The following PRMT8 variants were observed in gnomAD, a reference collection of about 807,000 sequenced individuals.
The protein encoded by PRMT8 is protein arginine methyltransferase 8.
A neutral mutation model predicts 47.1 loss-of-function variants in PRMT8; 7 were observed. The observed-to-expected ratio is 0.15, with a 90% confidence interval of 0.08 to 0.28. The LOEUF (loss-of-function observed/expected upper bound fraction) is 0.28, where lower values mean the gene tolerates loss of function less well. Among genes scored for constraint, PRMT8 ranks in the 10% least tolerant of loss-of-function variants. PRMT8 has a pLI of 1.00. For missense variants in PRMT8, 237 were observed against 505.4 expected (o/e 0.47, Z 5.09); for synonymous variants, 188 against 186.5 (o/e 1.01, Z -0.07).
intron 1 of PRMT8, among the ~76,000 whole-genome samples, chr12:3,515,481 G>A (rs1166198454): frequency 3.9e-5 from 6 of 152,098 alleles, no homozygotes; most frequent in Non-Finnish European, 5.9e-5. Flanking sequence ...AAACCTGCAC[G>A]TTGTGCACAT....
rs534561352 is a variant in PRMT8 at position 3,538,772 on chromosome 12, G to A, written c.76-1834G>A. 1.2e-5 allele frequency: 6 copies of A among 517,690 alleles called. No individual in the cohort carries two copies. Among genetic ancestry groups the A allele is most frequent in the South Asian group, 7.0e-5 (5 of 71,402 alleles). 32.1% of individuals were successfully genotyped at this position (517,690 alleles called of 1,614,324 possible). On this transcript the variant is annotated intron_variant, in intron 1 of 9. Transcript: ENST00000382622. This position sits in a 1 kb window ranked among gnomAD's most constrained non-coding sequence, Gnocchi z 4.6. ...GTCTATTTTTAGCCTCCCAGAGACC[G>A]TGACCAACATCCCAAGCTGAGAGTG...
intron 1 of PRMT8, among the ~76,000 whole-genome samples, chr12:3,410,797 G>T (rs749050241): frequency 5.3e-5 from 8 of 152,162 alleles, no homozygotes; most frequent in Non-Finnish European, 1.2e-4. Flanking sequence ...GTGAGCCACC[G>T]CACCCAGCTG....
intron 1 of PRMT8, among the ~76,000 whole-genome samples, chr12:3,468,739 GA>G (rs1313819092): frequency 2.6e-5 from 4 of 152,230 alleles, no homozygotes; most frequent in Admixed American, 6.5e-5. Flanking sequence ...TAGCCATTGA[GA>G]AAATAGCCAA....
At chr12:3,435,434 A>T (rs1309194788) in intron 1 of PRMT8, among the ~76,000 whole-genome samples, 1 of 151,898 alleles carries the variant, frequency 6.6e-6, no homozygotes, top group African/African-American at 2.4e-5. Context: ...AGGTTCATGC[A>T]GTTCATCCTG....
chr12:3,488,947 C>T (rs1451769300), upstream of PRMT8, among the ~76,000 whole-genome samples: 1 of 152,190 alleles, frequency 6.6e-6, no homozygotes, highest in Non-Finnish European at 1.5e-5. Flanking sequence ...ATAGCAGGAA[C>T]AGCACCTCTT....
intron 7 of PRMT8, 57 bp downstream of exon 7, chr12:3,577,043 C>A: frequency 6.8e-7 from 1 of 1,467,606 alleles, no homozygotes; most frequent in Admixed American, 1.7e-5. Flanking sequence ...CTGTGCCACC[C>A]TGGAGTCCAG....
intron 1 of PRMT8, among the ~76,000 whole-genome samples, chr12:3,403,791 C>T (rs537089272): frequency 5.6e-4 from 81 of 145,380 alleles, no homozygotes; most frequent in Middle Eastern, 3.7e-3. Context: ...GCAGGAGAAT[C>T]ACTTGAATTC....
At chr12:3,496,212 ATATTTTTTT>A (rs1298038686) in intron 1 of PRMT8, among the ~76,000 whole-genome samples, 2 of 19,392 alleles carry the variant, frequency 1.0e-4, no homozygotes, top group Non-Finnish European at 1.6e-4. Flanking sequence ...ATATATATAT[ATATTTTTTT>A]TTTTTTTTTT....
chr12:3,479,093 C>T (rs1366606597), intron 1 of PRMT8, among the ~76,000 whole-genome samples: 1 of 152,236 alleles, frequency 6.6e-6, no homozygotes, highest in Non-Finnish European at 1.5e-5. Context: ...GATTCCCTGG[C>T]AGGCTTCTCC....
intron 1 of PRMT8, among the ~76,000 whole-genome samples, chr12:3,423,094 C>A (rs547410752): frequency 1.7e-3 from 255 of 152,340 alleles, no homozygotes; most frequent in Non-Finnish European, 3.0e-3. Flanking sequence ...GCGCTGGGAA[C>A]CATTTTTCAA....
intron 4 of PRMT8, among the ~76,000 whole-genome samples, chr12:3,558,583 C>T (rs537159810): frequency 6.6e-6 from 1 of 152,304 alleles, no homozygotes; most frequent in African/African-American, 2.4e-5. Flanking sequence ...TGACTGGTTC[C>T]CTTCAAGCTG....
intron 1 of PRMT8, among the ~76,000 whole-genome samples, chr12:3,437,423 A>C (rs1591549807): frequency 6.6e-6 from 1 of 151,900 alleles, no homozygotes; most frequent in South Asian, 2.1e-4. Flanking sequence ...ATATAGGTAC[A>C]TTGTGCGTCC....
intron 1 of PRMT8, among the ~76,000 whole-genome samples, chr12:3,412,948 G>T (rs12318301): frequency 0.06 from 9,089 of 152,240 alleles, 295 homozygotes; most frequent in African/African-American, 0.086. Context: ...ATTCCATGAG[G>T]CATTGGTCTG....
At chr12:3,383,795 G>A (rs1864115931) in intron 1 of PRMT8, among the ~76,000 whole-genome samples, 1 of 152,192 alleles carries the variant, frequency 6.6e-6, no homozygotes, top group African/African-American at 2.4e-5. Flanking sequence ...CACATGTTTT[G>A]TTGGATTCAT....
intron 1 of PRMT8, among the ~76,000 whole-genome samples, chr12:3,408,874 A>G (rs1015802325): frequency 2.8e-4 from 43 of 152,350 alleles, no homozygotes; most frequent in African/African-American, 9.6e-4. Context: ...TCAGTAGTCT[A>G]GGCTGCAGAA....
intron 1 of PRMT8, among the ~76,000 whole-genome samples, chr12:3,513,622 T>G (rs1291857546): frequency 6.6e-6 from 1 of 152,188 alleles, no homozygotes; most frequent in Non-Finnish European, 1.5e-5. Context: ...GAGAGTGCAG[T>G]CTTCTCTGTC....
chr12:3,569,467 T>G lies in PRMT8; in HGVS notation c.625-10T>G. On this transcript the variant is annotated splice_polypyrimidine_tract_variant and intron_variant, in intron 5 of 9. Coordinates refer to ENST00000382622, the MANE Select transcript of PRMT8 (RefSeq NM_019854.5). This position sits in a 1 kb window ranked among gnomAD's most constrained non-coding sequence, Gnocchi z 8.2. Reference sequence around the variant, plus strand: ...ATTACGAGACCCATTTCCCCACAATTCATCAACAGAAACCTGGAGGGCTTA... The same window carrying G: ...ATTACGAGACCCATTTCCCCACAATGCATCAACAGAAACCTGGAGGGCTTA... 2 of 1,612,452 alleles carry G rather than the reference T, an allele frequency of 1.2e-6. No individual in the cohort carries two copies. Among genetic ancestry groups the G allele is most frequent in the Non-Finnish European group, 1.7e-6 (2 of 1,178,464 alleles).
At chr12:3,433,044 T>C (rs1015247586) in intron 1 of PRMT8, among the ~76,000 whole-genome samples, 1 of 152,168 alleles carries the variant, frequency 6.6e-6, no homozygotes, top group Middle Eastern at 3.2e-3. Flanking sequence ...CTCTCCAGGA[T>C]GTGCAATTTA....
rs1555085720 is a variant in PRMT8 at position 3,496,199 on chromosome 12, G to GAT, written c.75+4514_75+4515dup. ...TTAGCAAAGAGTCACTTTGGAAACT[G>GAT]ATATATATATATATATTTTTTTTTT... On this transcript the variant is annotated intron_variant, in intron 1 of 9. Coordinates refer to ENST00000382622, the MANE Select transcript of PRMT8 (RefSeq NM_019854.5). 5.1e-3 allele frequency among the ~76,000 whole-genome samples: 161 copies of GAT among 31,354 alleles called. 5 individuals are homozygous for GAT. Among genetic ancestry groups the GAT allele is most frequent in the East Asian group, 0.011 (9 of 788 alleles). The allele number at this position is 31,354 out of a possible 152,430, so 20.6% of individuals were successfully genotyped here. A position where few individuals can be genotyped will look rare whatever the true frequency, so the allele number is the denominator to read the frequency against.
Sources: gnomAD v4.1 joint callset for allele counts (sites outside exome capture counted in the v4.1 genomes callset) on GRCh38, gnomAD v4.1.1 for gene constraint, Gnocchi (gnomAD v3.1) non-coding constraint, MANE v1.5 for transcripts, NCBI Gene and HGNC (gene_info 2026-07-23, HGNC 2026-07-21) for gene names.